MX2: variants seen among roughly 807,000 people sequenced by gnomAD.
MX2 encodes interferon-induced GTP-binding protein Mx2.
A neutral mutation model predicts 74.0 loss-of-function variants in MX2; 51 were observed. That is an observed-to-expected ratio of 0.69 (90% CI 0.55 to 0.87). The LOEUF (loss-of-function observed/expected upper bound fraction) is 0.87, where lower values mean the gene tolerates loss of function less well. Ranked by LOEUF, MX2 falls within the 40% of genes least tolerant of loss-of-function variation. MX2 has a pLI of 0.00. For missense variants in MX2, 832 were observed against 908.7 expected (o/e 0.92, Z 1.09); for synonymous variants, 369 against 339.3 (o/e 1.09, Z -0.96).
At chr21:41,389,206 A>T (rs2145920707) in intron 5 of MX2, among the ~76,000 whole-genome samples, 1 of 152,256 alleles carries the variant, frequency 6.6e-6, no homozygotes, top group Admixed American at 6.5e-5. Context: ...TCAAAAAAAA[A>T]AAAACTTGTT....
rs561642813 is a variant in MX2 at position 41,362,917 on chromosome 21, C to T, written c.-72+862C>T. ...GGGACTACAGGTGTGCACCACCACA[C>T]CTGGTTAATTTTATTTCTTTTTGTA... On this transcript the variant is annotated intron_variant, in intron 1 of 13. Transcript: ENST00000330714. 2.0e-5 allele frequency among the ~76,000 whole-genome samples: 3 copies of T among 151,712 alleles called. No homozygotes were observed. In the East Asian group the frequency reaches 5.9e-4, roughly 30 times the overall value.
intron 11 of MX2, 130 bp from the exon 12 acceptor site, chr21:41,403,137 A>G: frequency 1.4e-6 from 1 of 712,182 alleles, no homozygotes; most frequent in South Asian, 1.7e-5. Flanking sequence ...TTGCAGGTCT[A>G]GGGAACTCAG....
At chr21:41,362,186 C>T (rs113291436) in intron 1 of MX2, 131 bp downstream of exon 1, 2,778 of 152,150 alleles carry the variant, frequency 0.018, 65 homozygotes, top group East Asian at 0.073. Context: ...GCAGGAGCCA[C>T]AAAGATAAGA....
In MX2 at chr21:41,384,967, C is replaced by T. The variant is rs534936339; in HGVS notation, c.732+2403C>T. ...TGTTATTGAAATTGTCAAGATAGAA[C>T]AGGAAGAATAAATGTTATTTTATGC... On this transcript the variant is annotated intron_variant, in intron 5 of 13. Coordinates refer to ENST00000330714, the MANE Select transcript of MX2 (RefSeq NM_002463.2). 3.4e-3 allele frequency among the ~76,000 whole-genome samples: 521 copies of T among 152,110 alleles called. 4 individuals are homozygous for T. Among genetic ancestry groups the T allele is most frequent in the Non-Finnish European group, 5.6e-3 (384 of 68,010 alleles).
chr21:41,367,925 T>G (rs1295284562), intron 1 of MX2, among the ~76,000 whole-genome samples: 1 of 152,218 alleles, frequency 6.6e-6, no homozygotes, highest in Non-Finnish European at 1.5e-5. Flanking sequence ...ACTCTTAACT[T>G]GGCTGTCTGC....
intron 5 of MX2, among the ~76,000 whole-genome samples, chr21:41,387,523 T>A (rs1438006842): frequency 6.6e-6 from 1 of 152,208 alleles, no homozygotes; most frequent in East Asian, 1.9e-4. Flanking sequence ...TCTGGGCACA[T>A]TGACCCTGGT....
intron 4 of MX2, among the ~76,000 whole-genome samples, chr21:41,381,553 CAGGCACCTGTAGTCCCAGCTACTT>C (rs1169231337): frequency 3.9e-5 from 6 of 151,984 alleles, no homozygotes; most frequent in Admixed American, 6.5e-5. Context: ...GGCGCAGTGG[CAGGCACCTGTAGTCCCAGCTACTT>C]AGGAGGCTGA....
rs1288558945 is a variant in MX2 at position 41,395,745 on chromosome 21, A to C, written c.1030A>C (p.Lys344Gln). Reference sequence around the variant, plus strand: ...CAGGCTGAGCTTGGCAGAGGCAACCAAGAAAGAAATTACATTCTTTCAAAC... The same window carrying C: ...CAGGCTGAGCTTGGCAGAGGCAACCCAGAAAGAAATTACATTCTTTCAAAC... ...TNRLSLAEATKKEITFFQTHP... is the reference protein window; with the variant it reads ...TNRLSLAEATQKEITFFQTHP... The change falls in exon 7 of 14, where the codon AAG becomes CAG. Residue 344 changes from lysine (K) to glutamine (Q), a missense_variant. Transcript: ENST00000330714. The C allele has an allele frequency of 6.2e-7, 1 of 1,614,214 alleles. No homozygotes were observed. Among genetic ancestry groups the C allele is most frequent in the Non-Finnish European group, 8.5e-7 (1 of 1,180,046 alleles).
chr21:41,406,849 A>G lies in MX2; in HGVS notation c.1756A>G (p.Ser586Gly). ...GGTTTTTTGTCAAGATCAGATTTACAGTGTTGTTCTGAAGAAAGTCCGAGA... is the reference window on the plus strand; with the variant it reads ...GGTTTTTTGTCAAGATCAGATTTACGGTGTTGTTCTGAAGAAAGTCCGAGA... ...QMVFCQDQIYSVVLKKVREEI... is the reference protein window; with the variant it reads ...QMVFCQDQIYGVVLKKVREEI... Residue 586 changes from serine (S) to glycine (G), a missense_variant, in exon 13 of 14, where the codon AGT (serine) becomes GGT (glycine). By Grantham distance (56) the Ser-to-Gly change is moderately conservative (BLOSUM62 0). Coordinates refer to ENST00000330714, the MANE Select transcript of MX2 (RefSeq NM_002463.2). The G allele has an allele frequency of 6.2e-7, 1 of 1,614,240 alleles. No individual in the cohort carries two copies. Among genetic ancestry groups the G allele is most frequent in the Non-Finnish European group, 8.5e-7 (1 of 1,180,036 alleles).
Position 41,398,078 on chromosome 21 carries a change from A to C in MX2, c.1149+387A>C, listed in dbSNP as rs138818816. ...TAATCCCAGCACTTTGGGAGGCTAA[A>C]GCCAGTGGATCACCTGAGGTCAAGA... is the stretch of plus-strand genomic sequence containing the variant. On this transcript the variant is annotated intron_variant, in intron 8 of 13. Transcript: ENST00000330714. 2.8e-3 allele frequency among the ~76,000 whole-genome samples: 433 copies of C among 152,022 alleles called. 1 individual carries two copies. The highest frequency in any genetic ancestry group is 0.01 in the African/African-American group (426 of 41,454).
intron 5 of MX2, among the ~76,000 whole-genome samples, chr21:41,384,216 C>T (rs1303014527): frequency 2.0e-5 from 3 of 152,126 alleles, no homozygotes; most frequent in Non-Finnish European, 2.9e-5. Context: ...CGTGGAACTG[C>T]GAGTCAGTTA....
Position 41,398,865 on chromosome 21 carries a change from G to T in MX2, c.1150-32G>T, listed in dbSNP as rs780027798. On this transcript the variant is annotated intron_variant, in intron 8 of 13. Coordinates refer to ENST00000330714, the MANE Select transcript of MX2 (RefSeq NM_002463.2). The stretch of plus-strand genomic sequence containing the variant: ...AATCAGTTGGCCAATCTCTTAAGCC[G>T]CAGTTTGATTGTTTGCAATTGTTTT... 6 of 1,602,078 alleles carry T rather than the reference G, an allele frequency of 3.7e-6. No homozygotes were observed. In the African/African-American group the frequency reaches 6.7e-5, roughly 18 times the overall value.
intron 13 of MX2, among the ~76,000 whole-genome samples, chr21:41,407,654 C>T (rs767137741): frequency 1.2e-4 from 19 of 152,354 alleles, no homozygotes; most frequent in South Asian, 2.1e-4. Flanking sequence ...GGATTCGAAA[C>T]GGCCCTGGTG....
In MX2 at chr21:41,397,500, T is replaced by C. The variant is rs4818238; in HGVS notation, c.1071-113T>C. ...TTTCTTATGCACCACTTGGCTTTTC[T>C]GATGGCACGTGTTGCCCCGGGGAGC... On this transcript the variant is annotated intron_variant, in intron 7 of 13. Transcript: ENST00000330714. The C allele has an allele frequency of 1.1e-4, 93 of 877,276 alleles. 1 individual carries two copies. The Middle Eastern group carries it at 2.4e-3, about 23-fold the overall frequency. 54.3% of individuals were successfully genotyped at this position (877,276 alleles called of 1,614,324 possible). A position where few individuals can be genotyped will look rare whatever the true frequency, so the allele number is the denominator to read the frequency against.
In MX2 at chr21:41,397,599, C is replaced by T. The variant is rs1379504528; in HGVS notation, c.1071-14C>T. On this transcript the variant is annotated splice_polypyrimidine_tract_variant and intron_variant, in intron 7 of 13. Transcript: ENST00000330714. Reference sequence around the variant, plus strand: ...AAGTCCTTCCTGAATGCATGAATGTCTGTCTCATTTCAGAGTTCTCCTGGA... The same window carrying T: ...AAGTCCTTCCTGAATGCATGAATGTTTGTCTCATTTCAGAGTTCTCCTGGA... 6.2e-7 allele frequency: 1 copy of T among 1,612,092 alleles called. No individual in the cohort carries two copies. Among genetic ancestry groups the T allele is most frequent in the African/African-American group, 1.3e-5 (1 of 75,006 alleles).
intron 1 of MX2, among the ~76,000 whole-genome samples, chr21:41,371,586 A>G (rs2089325284): frequency 6.6e-6 from 1 of 152,210 alleles, no homozygotes; most frequent in African/African-American, 2.4e-5. Flanking sequence ...GAAATGGAGC[A>G]GAGCCAGGCC....
chr21:41,378,187 T>C (rs2089436128), intron 3 of MX2, among the ~76,000 whole-genome samples: 1 of 113,694 alleles, frequency 8.8e-6, no homozygotes, highest in Non-Finnish European at 1.7e-5. Flanking sequence ...GACAGGCTGC[T>C]GGGAGAGACA....
At chr21:41,401,359 T>A (rs1040801080) in intron 10 of MX2, 12 of 152,318 alleles carry the variant, frequency 7.9e-5, no homozygotes, top group Admixed American at 5.9e-4. Flanking sequence ...TGTGGCTGTA[T>A]GCTTGGGAGG....
At chr21:41,400,731 A>T (rs1472692486) in intron 10 of MX2, 1 of 152,106 alleles carries the variant, frequency 6.6e-6, no homozygotes, top group African/African-American at 2.4e-5. Flanking sequence ...TTTGAGACGG[A>T]GTTTCACTCT....
Sources: allele counts gnomAD v4.1 joint callset (sites outside exome capture counted in the v4.1 genomes callset), GRCh38; gene constraint gnomAD v4.1.1; transcripts MANE v1.5; gene names NCBI Gene and HGNC (gene_info 2026-07-23, HGNC 2026-07-21).